UPF2: variants seen among roughly 807,000 people sequenced by gnomAD.
UPF2 encodes the protein UPF2 regulator of nonsense mediated mRNA decay.
In UPF2, 17 loss-of-function variants were observed where a neutral mutation model predicts 141.4. The observed-to-expected ratio is 0.12, with a 90% confidence interval of 0.08 to 0.18. UPF2 has a LOEUF of 0.18. UPF2 is among the 10% of genes least tolerant of loss of function. The probability of loss-of-function intolerance (pLI) is 1.00; values close to 1 mark genes in which losing one functional copy is unlikely to be tolerated. For missense variants in UPF2, 1,152 were observed against 1,515.9 expected (o/e 0.76, Z 3.99); for synonymous variants, 540 against 498.0 (o/e 1.08, Z -1.12).
At position 11,971,903 on chromosome 10, in the gene UPF2, A is replaced by C. The variant is rs182820490; in HGVS notation, c.1954-4449T>G. Among the ~76,000 whole-genome samples the C allele has an allele frequency of 1.1e-4, 16 of 152,126 alleles. No individual in the cohort carries two copies. In the East Asian group the frequency reaches 2.9e-3, roughly 28 times the overall value. ...ACATGGTAAAACCCTGTCTCTGCTA[A>C]AAGTACAAAAATTGGCCAGGTATGG... is the stretch of plus-strand genomic sequence containing the variant. On this transcript the variant is annotated intron_variant, in intron 9 of 21. Coordinates refer to ENST00000357604, the MANE Select transcript of UPF2 (RefSeq NM_015542.4).
At chr10:11,938,853 G>GTTTTTTTGTTTTTTTTTTT (rs1832890068) in intron 18 of UPF2, among the ~76,000 whole-genome samples, 2 of 79,816 alleles carry the variant, frequency 2.5e-5, no homozygotes, top group African/African-American at 1.0e-4. Flanking sequence ...TTTTTTTTTT[G>GTTTTTTTGTTTTTTTTTTT]TTTTTTTTTT....
intron 8 of UPF2, among the ~76,000 whole-genome samples, chr10:11,993,591 CA>C (rs1564359139): frequency 6.6e-6 from 1 of 150,702 alleles, no homozygotes; most frequent in Non-Finnish European, 1.5e-5. Flanking sequence ...TTGACAAAGC[CA>C]CAAAACAAAA....
At chr10:12,000,397 G>C (rs1387717344) in intron 6 of UPF2, among the ~76,000 whole-genome samples, 1 of 152,136 alleles carries the variant, frequency 6.6e-6, no homozygotes, top group African/African-American at 2.4e-5. Flanking sequence ...TCTAAGGAGG[G>C]TGGCTGGTTT....
intron 9 of UPF2, 71 bp downstream of exon 9, chr10:11,978,986 T>C: frequency 2.4e-6 from 3 of 1,237,672 alleles, no homozygotes; most frequent in Middle Eastern, 1.9e-4. Flanking sequence ...TACCAACAAT[T>C]ACATTCTTAA....
intron 2 of UPF2, among the ~76,000 whole-genome samples, chr10:12,033,966 C>T (rs1473444609): frequency 6.6e-6 from 1 of 152,210 alleles, no homozygotes; most frequent in Non-Finnish European, 1.5e-5. Context: ...TTTACTTGCA[C>T]AGGTTTACAA....
At chr10:11,996,680 CAT>C (rs1252497381) in intron 8 of UPF2, among the ~76,000 whole-genome samples, 1 of 152,182 alleles carries the variant, frequency 6.6e-6, no homozygotes, top group East Asian at 1.9e-4. Flanking sequence ...AATATTCATC[CAT>C]ATGACTTCTT....
intron 4 of UPF2, among the ~76,000 whole-genome samples, chr10:12,007,968 T>C (rs745396845): frequency 7.3e-5 from 11 of 151,606 alleles, no homozygotes. Flanking sequence ...CTGCAACCTC[T>C]GCCTCCTGGG....
At chr10:12,009,240 G>T (rs555428729) in intron 4 of UPF2, among the ~76,000 whole-genome samples, 28 of 152,214 alleles carry the variant, frequency 1.8e-4, no homozygotes, top group African/African-American at 6.5e-4. Context: ...AAAGAAGCAG[G>T]TTCAGAGATT....
chr10:12,024,336 A>G (rs1472463954), intron 3 of UPF2, among the ~76,000 whole-genome samples: 1 of 152,180 alleles, frequency 6.6e-6, no homozygotes, highest in East Asian at 1.9e-4. Flanking sequence ...GGGGGTGGGC[A>G]CAGTGGCTGA....
chr10:11,982,141 T>C (rs1833607937), intron 8 of UPF2, among the ~76,000 whole-genome samples: 2 of 152,230 alleles, frequency 1.3e-5, no homozygotes, highest in South Asian at 4.1e-4. Flanking sequence ...ATTAAGGTTA[T>C]TCATTTTCCA....
intron 4 of UPF2, 107 bp downstream of exon 4, chr10:12,013,917 C>A (rs978285888): frequency 8.5e-7 from 1 of 1,181,242 alleles, no homozygotes; most frequent in Non-Finnish European, 1.1e-6. Flanking sequence ...AAAATGTTGA[C>A]GCCATTTTAA....
Position 12,014,205 on chromosome 10 carries a change from C to T in UPF2, c.1146-21G>A. ...TGCGCCTATAAACAAATGAAATCAT[C>T]TGACAGTCTTATCAAAATAGATGTG... On this transcript the variant is annotated intron_variant, in intron 3 of 21. Coordinates refer to ENST00000357604, the MANE Select transcript of UPF2 (RefSeq NM_015542.4). The surrounding 1 kb of genome is among the most constrained non-coding windows in gnomAD (Gnocchi z 5.0). The T allele has an allele frequency of 7.3e-7, 1 of 1,375,050 alleles. No homozygotes were observed. Among genetic ancestry groups the T allele is most frequent in the Non-Finnish European group, 9.5e-7 (1 of 1,050,730 alleles). The allele number at this position is 1,375,050 out of a possible 1,614,324, so 85.2% of individuals were successfully genotyped here.
At chr10:11,925,368 G>T (rs1356600691) in intron 21 of UPF2, among the ~76,000 whole-genome samples, 1 of 152,140 alleles carries the variant, frequency 6.6e-6, no homozygotes, top group African/African-American at 2.4e-5. Context: ...TCAAAAGCTA[G>T]GACTCTTACA....
chr10:11,960,158 G>C (rs1302413015), intron 11 of UPF2, among the ~76,000 whole-genome samples: 3 of 152,164 alleles, frequency 2.0e-5, no homozygotes, highest in African/African-American at 7.2e-5. Flanking sequence ...GATGCCAGTG[G>C]AGAACCACTG....
intron 1 of UPF2, among the ~76,000 whole-genome samples, chr10:12,038,378 T>TCACA (rs200544672): frequency 0.013 from 1,832 of 135,876 alleles, 23 homozygotes; most frequent in African/African-American, 0.028. Flanking sequence ...AGACTCCATC[T>TCACA]CACACACACA....
rs10795918 is a variant in UPF2, at chr10:12,014,715, C to T, written c.1146-531G>A. Reference sequence around the variant, plus strand: ...AAAAATATTTAACACAACTACACAACTCAGTTTTCAAAACCAACAGATTTT... The same window carrying T: ...AAAAATATTTAACACAACTACACAATTCAGTTTTCAAAACCAACAGATTTT... On this transcript the variant is annotated intron_variant, in intron 3 of 21. Transcript: ENST00000357604. This position sits in a 1 kb window ranked among gnomAD's most constrained non-coding sequence, Gnocchi z 5.0. 0.21 allele frequency among the ~76,000 whole-genome samples: 31,755 copies of T among 152,080 alleles called. 3,641 individuals carry two copies. Among genetic ancestry groups the T allele is most frequent in the East Asian group, 0.46 (2,362 of 5,176 alleles).
At position 11,935,945 on chromosome 10, in the gene UPF2, G is replaced by GA. The variant is rs534966373; in HGVS notation, c.3546+599dup. ...AGAAGGGTTGGTGTGATTTTCAACT[G>GA]ACGGCAGCCGAGCCTCTTCCTGAGC... On this transcript the variant is annotated intron_variant, in intron 19 of 21. Transcript: ENST00000357604. The surrounding 1 kb of genome is among the most constrained non-coding windows in gnomAD (Gnocchi z 4.9). Among the ~76,000 whole-genome samples the GA allele has an allele frequency of 1.6e-3, 243 of 152,326 alleles. 1 individual carries two copies. The highest frequency in any genetic ancestry group is 5.4e-3 in the African/African-American group (225 of 41,568).
rs139888856 is a variant in UPF2, at chr10:12,024,848, C to G, written c.1145+3897G>C. Among the ~76,000 whole-genome samples, 22 of 144,064 alleles carry G rather than the reference C, an allele frequency of 1.5e-4. 1 individual carries two copies. The East Asian group carries it at 3.8e-3, about 25-fold the overall frequency. 94.5% of individuals were successfully genotyped at this position (144,064 alleles called of 152,430 possible). ...CTTGACAGCCTGAGGTGGGAAGATC[C>G]CTTAAGCCCCAGGAGGTCAAGGCTA... On this transcript the variant is annotated intron_variant, in intron 3 of 21. Transcript: ENST00000357604.
chr10:11,978,266 G>C (rs1220890503), intron 9 of UPF2, among the ~76,000 whole-genome samples: 1 of 152,194 alleles, frequency 6.6e-6, no homozygotes, highest in African/African-American at 2.4e-5. Context: ...TTTGCATTCT[G>C]AGCAACTTAT....
Sources: allele counts gnomAD v4.1 joint callset (sites outside exome capture counted in the v4.1 genomes callset), GRCh38; gene constraint gnomAD v4.1.1; non-coding constraint Gnocchi (gnomAD v3.1); transcripts MANE v1.5; gene names NCBI Gene and HGNC (gene_info 2026-07-23, HGNC 2026-07-21).